ROCK1: variants seen among roughly 807,000 people sequenced by gnomAD.
ROCK1 encodes rho-associated protein kinase 1.
ROCK1 carries 36 observed loss-of-function variants against 196.8 expected under a neutral mutation model. That is an observed-to-expected ratio of 0.18 (90% confidence interval 0.14 to 0.24). The LOEUF (loss-of-function observed/expected upper bound fraction) is 0.24. Ranked by LOEUF, ROCK1 falls within the 10% of genes least tolerant of loss-of-function variation. The probability of loss-of-function intolerance (pLI) is 1.00; values close to 1 mark genes in which losing one functional copy is unlikely to be tolerated. For missense variants in ROCK1, 920 were observed against 1,562.0 expected, an observed-to-expected ratio of 0.59 and a Z score of 6.93; for synonymous variants, 443 against 515.9, an observed-to-expected ratio of 0.86 and a Z score of 1.91.
At chr18:21,086,326 G>A (rs1352183699) in intron 1 of ROCK1, among the ~76,000 whole-genome samples, 2 of 152,006 alleles carry the variant, frequency 1.3e-5, no homozygotes, top group Non-Finnish European at 2.9e-5. Context: ...GGGACAGGCT[G>A]GTCTCGAACT....
chr18:21,059,158 C>T (rs1435665474), intron 2 of ROCK1, among the ~76,000 whole-genome samples: 1 of 152,198 alleles, frequency 6.6e-6, no homozygotes. Flanking sequence ...CAACCATGCT[C>T]TAGCAATGCC....
At chr18:21,099,237 T>C (rs2036636656) in intron 1 of ROCK1, among the ~76,000 whole-genome samples, 1 of 152,182 alleles carries the variant, frequency 6.6e-6, no homozygotes, top group Admixed American at 6.5e-5. Flanking sequence ...AACATGCTAC[T>C]TTTTGCGTAA....
In ROCK1 at chr18:20,965,440, CATAT is replaced by C. The variant is rs1292283596; in HGVS notation, c.3352+1473_3352+1476del. 7.7e-3 allele frequency among the ~76,000 whole-genome samples: 1,115 copies of C among 145,050 alleles called. 13 individuals are homozygous for C. The highest frequency in any genetic ancestry group is 0.026 in the African/African-American group (1,037 of 39,362). On this transcript the variant is annotated intron_variant, in intron 27 of 32. Transcript: ENST00000399799. ...ACATACATACATACATACATACATA[CATAT>C]ATACATAGAGTAAGAATGTATACAT...
chr18:20,968,308 T>C (rs1428252267), intron 25 of ROCK1, among the ~76,000 whole-genome samples: 3 of 151,800 alleles, frequency 2.0e-5, no homozygotes, highest in South Asian at 4.2e-4. Context: ...TGAAATCCTA[T>C]TTCTTTTTTT....
At chr18:21,090,960 C>T (rs2036564539) in intron 1 of ROCK1, among the ~76,000 whole-genome samples, 1 of 152,060 alleles carries the variant, frequency 6.6e-6, no homozygotes, top group Non-Finnish European at 1.5e-5. Context: ...AATTTTTAAA[C>T]CTTTTTAATC....
At chr18:21,092,539 G>C (rs558060520) in intron 1 of ROCK1, among the ~76,000 whole-genome samples, 2 of 131,840 alleles carry the variant, frequency 1.5e-5, no homozygotes, top group East Asian at 4.5e-4. Context: ...AGCCATGATC[G>C]CACCACTGCA....
At position 21,079,077 on chromosome 18, in the gene ROCK1, T is replaced by C. The variant is rs995453235; in HGVS notation, c.94-8464A>G. On this transcript the variant is annotated intron_variant, in intron 1 of 32. Coordinates refer to ENST00000399799, the MANE Select transcript of ROCK1 (RefSeq NM_005406.3). ...TTCTTGTCTGGTTTTTGGTCTATCA[T>C]GGACAGTTTGGAGTAATTGAGAGGT... 3.9e-5 allele frequency among the ~76,000 whole-genome samples: 6 copies of C among 152,180 alleles called. No homozygotes were observed. The South Asian group carries it at 1.2e-3, about 31-fold the overall frequency.
chr18:21,038,903 T>C (rs932327690), intron 9 of ROCK1, among the ~76,000 whole-genome samples: 3 of 152,228 alleles, frequency 2.0e-5, no homozygotes, highest in Non-Finnish European at 4.4e-5. Flanking sequence ...TTTAACTTTT[T>C]TTAAAAAGTA....
chr18:21,064,753 G>C (rs2036319859), intron 2 of ROCK1, among the ~76,000 whole-genome samples: 1 of 152,106 alleles, frequency 6.6e-6, no homozygotes, highest in Admixed American at 6.5e-5. Context: ...TTCTGATCTG[G>C]TTCATAAAAC....
intron 27 of ROCK1, among the ~76,000 whole-genome samples, chr18:20,962,940 T>C (rs1237117395): frequency 2.0e-5 from 3 of 152,084 alleles, no homozygotes; most frequent in African/African-American, 7.2e-5. Flanking sequence ...ATAATATACT[T>C]ACCAGTTTTT....
chr18:21,026,074 T>C (rs1004417017), intron 10 of ROCK1, among the ~76,000 whole-genome samples: 9 of 152,106 alleles, frequency 5.9e-5, no homozygotes, highest in African/African-American at 1.9e-4. Flanking sequence ...TACAAAAACA[T>C]TGGCGGTTGT....
intron 12 of ROCK1, among the ~76,000 whole-genome samples, chr18:21,017,499 T>G (rs186043601): frequency 3.7e-4 from 56 of 151,892 alleles, no homozygotes; most frequent in African/African-American, 1.3e-3. Context: ...CTACCACACT[T>G]CTTGATAATT....
rs772147808 is a variant in ROCK1, at chr18:20,968,821, T to A, written c.2954A>T (p.Lys985Met). ...LEKEEEISNL[K>M]AAFEKNINTE... is the part of the protein sequence containing the mutation. ...GTTGATATTCTTTTCAAAGGCAGCC[T>A]TAAGATTACTGATCTCCTCCTCCTT... Residue 985 changes from lysine (K) to methionine (M), a missense_variant, in exon 25 of 33, where the codon AAG (lysine) becomes ATG (methionine). Around this residue, in one of 6 missense-constraint regions of ROCK1, gnomAD observed 520 missense variants for 657.1 expected, o/e 0.79. Transcript: ENST00000399799. 9 of 1,609,294 alleles carry A rather than the reference T, an allele frequency of 5.6e-6. No individual in the cohort carries two copies. In the South Asian group the frequency reaches 9.9e-5, roughly 18 times the overall value.
intron 19 of ROCK1, 123 bp from the exon 20 acceptor site, chr18:20,984,658 T>G: frequency 1.5e-6 from 1 of 658,630 alleles, no homozygotes; most frequent in East Asian, 2.8e-5. Flanking sequence ...AATATTAGTA[T>G]TTTAAAGAGT....
intron 19 of ROCK1, 127 bp downstream of exon 19, chr18:20,986,823 A>T: frequency 1.2e-6 from 1 of 836,512 alleles, no homozygotes; most frequent in Non-Finnish European, 1.8e-6. Context: ...AGCAGTGAAC[A>T]CAGACCCATG....
chr18:21,027,055 C>T (rs2035964442), intron 10 of ROCK1, among the ~76,000 whole-genome samples: 1 of 151,742 alleles, frequency 6.6e-6, no homozygotes, highest in African/African-American at 2.4e-5. Context: ...TCTCCTGCCT[C>T]AGTCTCCCAA....
At chr18:21,109,451 T>C (rs1199108042) in intron 1 of ROCK1, among the ~76,000 whole-genome samples, 1 of 152,192 alleles carries the variant, frequency 6.6e-6, no homozygotes, top group Non-Finnish European at 1.5e-5. Flanking sequence ...TATTAAAAGA[T>C]AAATCAGACT....
At position 20,992,846 on chromosome 18, in the gene ROCK1, A is replaced by T. The variant is rs746557094; in HGVS notation, c.1977T>A (p.Leu659=). Residue 659 remains leucine, a synonymous_variant, in exon 17 of 33, where the codon CTT becomes CTA. Coordinates refer to ENST00000399799, the MANE Select transcript of ROCK1 (RefSeq NM_005406.3). ...EGERKEAQDM[L]NHSEKEKNNL... ...AATCATTTACCTTTTCTGAGTGATT[A>T]AGCATGTCTTGAGCCTCTTTTCTTT... The T allele has an allele frequency of 5.6e-6, 9 of 1,595,024 alleles. No individual in the cohort carries two copies. Among genetic ancestry groups the T allele is most frequent in the Non-Finnish European group, 7.7e-6 (9 of 1,163,506 alleles).
chr18:21,073,368 G>A (rs1400632649), intron 1 of ROCK1, among the ~76,000 whole-genome samples: 3 of 152,144 alleles, frequency 2.0e-5, no homozygotes, highest in Non-Finnish European at 4.4e-5. Flanking sequence ...AGGGGGAGCA[G>A]GGGGAAGAGG....
Sources: gnomAD v4.1 joint callset for allele counts (sites outside exome capture counted in the v4.1 genomes callset) on GRCh38, gnomAD v4.1.1 for gene constraint, gnomAD v4.1.1 regional missense constraint, MANE v1.5 for transcripts, NCBI Gene and HGNC (gene_info 2026-07-23, HGNC 2026-07-21) for gene names.